The following RBM33 variants were observed in gnomAD, a reference collection of about 807,000 sequenced individuals.
RBM33 encodes RNA binding motif protein 33.
RBM33 carries 28 observed loss-of-function variants against 132.6 expected under a neutral mutation model. The observed-to-expected ratio is 0.21, with a 90% CI of 0.16 to 0.29. The LOEUF (loss-of-function observed/expected upper bound fraction) is 0.29, where lower values mean the gene tolerates loss of function less well. Among genes scored for constraint, RBM33 ranks in the 10% least tolerant of loss-of-function variants. The pLI is 1.00. For synonymous variants in RBM33, 634 were observed against 593.0 expected (o/e 1.07, Z -1.01); for missense variants, 1,291 against 1,518.5 (o/e 0.85, Z 2.49).
At chr7:155,764,295 T>C (rs1173587019) in intron 15 of RBM33, among the ~76,000 whole-genome samples, 1 of 152,020 alleles carries the variant, frequency 6.6e-6, no homozygotes, top group East Asian at 1.9e-4. Flanking sequence ...CCCAGCAGCA[T>C]CTGCTGTGCT....
At chr7:155,753,155 G>A (rs1313473178) in intron 14 of RBM33, among the ~76,000 whole-genome samples, 1 of 152,148 alleles carries the variant, frequency 6.6e-6, no homozygotes, top group Non-Finnish European at 1.5e-5. Context: ...AGTTGTTTCT[G>A]TTGACATTTA....
chr7:155,707,860 A>G (rs549400328), intron 7 of RBM33, among the ~76,000 whole-genome samples: 27 of 152,216 alleles, frequency 1.8e-4, no homozygotes, highest in African/African-American at 5.3e-4. Context: ...GGGTTTCACC[A>G]TGTTGGCCAG....
chr7:155,738,011 G>A, intron 10 of RBM33, 49 bp from the exon 11 acceptor site: 3 of 1,498,088 alleles, frequency 2.0e-6, no homozygotes, highest in South Asian at 1.2e-5. Context: ...TTTCTGAGAA[G>A]CACATGGTCT....
chr7:155,732,540 G>GACTTTCACCTTCTGTCCT (rs1800986276), intron 9 of RBM33, among the ~76,000 whole-genome samples: 1 of 152,180 alleles, frequency 6.6e-6, no homozygotes, highest in South Asian at 2.1e-4. Flanking sequence ...ATCCGTAGCC[G>GACTTTCACCTTCTGTCCT]ACTTTCACCT....
At chr7:155,701,694 T>G (rs964411098) in intron 6 of RBM33, among the ~76,000 whole-genome samples, 2 of 152,146 alleles carry the variant, frequency 1.3e-5, no homozygotes, top group Non-Finnish European at 2.9e-5. Context: ...GTATTTTTTT[T>G]GTTTTGTTTT....
chr7:155,737,245 C>CGTGTGTGT (rs1554481863), intron 9 of RBM33, among the ~76,000 whole-genome samples: 43 of 149,154 alleles, frequency 2.9e-4, no homozygotes, highest in African/African-American at 1.0e-3. Context: ...TCTAGGTGCG[C>CGTGTGTGT]GTGTGTGTGT....
chr7:155,686,010 C>T (rs1799467583), intron 5 of RBM33, among the ~76,000 whole-genome samples: 1 of 152,174 alleles, frequency 6.6e-6, no homozygotes. Flanking sequence ...GTACTTCTTG[C>T]ACATACCCTT....
At chr7:155,679,024 T>G (rs1284845387) in intron 4 of RBM33, among the ~76,000 whole-genome samples, 4 of 152,036 alleles carry the variant, frequency 2.6e-5, no homozygotes, top group African/African-American at 9.7e-5. Flanking sequence ...ATACAAAAAT[T>G]AGCCAGGCGT....
intron 6 of RBM33, 90 bp from the exon 7 acceptor site, chr7:155,706,770 C>G: frequency 9.2e-7 from 1 of 1,090,490 alleles, no homozygotes; most frequent in Non-Finnish European, 1.3e-6. Context: ...GGCAGAGTTT[C>G]ATTGTCACAT....
chr7:155,717,841 A>C (rs1302550988), intron 8 of RBM33, among the ~76,000 whole-genome samples: 1 of 152,224 alleles, frequency 6.6e-6, no homozygotes, highest in East Asian at 1.9e-4. Flanking sequence ...AAACTAAAGT[A>C]AACTAAAAGC....
At chr7:155,705,775 T>G (rs1307489931) in intron 6 of RBM33, among the ~76,000 whole-genome samples, 5 of 152,196 alleles carry the variant, frequency 3.3e-5, no homozygotes, top group African/African-American at 1.2e-4. Flanking sequence ...ATCTGAAGTT[T>G]CTTAGGGCCA....
intron 9 of RBM33, among the ~76,000 whole-genome samples, chr7:155,736,751 G>A (rs80212855): frequency 0.035 from 5,275 of 152,284 alleles, 310 homozygotes; most frequent in African/African-American, 0.12. Flanking sequence ...GCAGCTTACA[G>A]TCCTGTTAAA....
At position 155,745,297 on chromosome 7, in the gene RBM33, A is replaced by G. The variant is rs1381791780; in HGVS notation, c.2674A>G (p.Asn892Asp). ...SISNVQPKTS[N>D]FVPSSANMQY... ...TTCAAACGTTCAGCCCAAAACATCCAATTTTGTACCATCCAGTGCCAACAT... is the reference window on the plus strand; with the variant it reads ...TTCAAACGTTCAGCCCAAAACATCCGATTTTGTACCATCCAGTGCCAACAT... The change falls in exon 14 of 18, where the codon AAT (asparagine) becomes GAT (aspartate). Residue 892 changes from asparagine (N) to aspartate (D), a missense_variant. Asn to Asp is a conservative substitution (Grantham distance 23). Around this residue, in one of 7 missense-constraint regions of RBM33, gnomAD observed 841 missense variants for 912.0 expected, o/e 0.92. Transcript: ENST00000401878. This position sits in a 1 kb window ranked among gnomAD's most constrained non-coding sequence, Gnocchi z 4.1. 6.8e-6 allele frequency: 11 copies of G among 1,612,922 alleles called. No homozygotes were observed. Among genetic ancestry groups the G allele is most frequent in the Non-Finnish European group, 8.5e-6 (10 of 1,179,426 alleles).
At chr7:155,706,672 G>C (rs970942187) in intron 6 of RBM33, 188 bp from the exon 7 acceptor site, 22 of 564,928 alleles carry the variant, frequency 3.9e-5, no homozygotes, top group Admixed American at 6.0e-5. Flanking sequence ...TTATTTATCA[G>C]ATCTCACTAG....
chr7:155,673,599 CA>C lies in RBM33; in HGVS notation c.171+685del. 2.4e-5 allele frequency among the ~76,000 whole-genome samples: 2 copies of C among 82,016 alleles called. 1 individual carries two copies. Among genetic ancestry groups the C allele is most frequent in the Middle Eastern group, 0.012 (2 of 164 alleles). The allele number at this position is 82,016 out of a possible 152,430, so 53.8% of individuals were successfully genotyped here. On this transcript the variant is annotated intron_variant, in intron 3 of 17. Transcript: ENST00000401878. ...ACACACGTGTATATATATATACACA[CA>C]TATACATACACACGTGTATATATAT...
At chr7:155,686,677 T>C (rs1799488272) in intron 5 of RBM33, among the ~76,000 whole-genome samples, 1 of 152,006 alleles carries the variant, frequency 6.6e-6, no homozygotes, top group African/African-American at 2.4e-5. Flanking sequence ...CCCCTTCCTG[T>C]GTCCAAGTGT....
chr7:155,730,733 T>G (rs1032686137), intron 9 of RBM33, among the ~76,000 whole-genome samples: 4 of 152,244 alleles, frequency 2.6e-5, no homozygotes, highest in Non-Finnish European at 5.9e-5. Flanking sequence ...TATTTTCCAC[T>G]GAGTGTGGAA....
chr7:155,781,419 A>C lies in RBM33; in HGVS notation c.*6378A>C, dbSNP rs1005248368. On this transcript the variant is annotated 3_prime_UTR_variant, in exon 18 of 18. Transcript: ENST00000401878. ...ATTTGTGTGATTTCGTACCAAAAAA[A>C]TGTGTTTGAACTATATTGTATGTAA... 1 of 152,246 alleles carries C rather than the reference A, an allele frequency of 6.6e-6. No individual in the cohort carries two copies. Among genetic ancestry groups the C allele is most frequent in the Non-Finnish European group, 1.5e-5 (1 of 68,050 alleles). 9.4% of individuals were successfully genotyped at this position (152,246 alleles called of 1,614,324 possible).
intron 16 of RBM33, among the ~76,000 whole-genome samples, chr7:155,769,238 A>G (rs1763329969): frequency 6.6e-6 from 1 of 152,150 alleles, no homozygotes; most frequent in African/African-American, 2.4e-5. Flanking sequence ...CTCATAAACC[A>G]CATAGGAACT....
Sources: allele counts gnomAD v4.1 joint callset (sites outside exome capture counted in the v4.1 genomes callset), GRCh38; gene constraint gnomAD v4.1.1; regional missense constraint gnomAD v4.1.1; non-coding constraint Gnocchi (gnomAD v3.1); transcripts MANE v1.5; gene names NCBI Gene and HGNC (gene_info 2026-07-23, HGNC 2026-07-21).